The following CATSPER3 variants were observed in gnomAD, a reference collection of about 807,000 sequenced individuals.
CATSPER3 encodes cation channel sperm-associated protein 3.
In CATSPER3, 23 loss-of-function variants were observed where a neutral mutation model predicts 36.6. The ratio of observed to expected loss-of-function variants is 0.63; its 90% CI spans 0.45 to 0.89. The LOEUF (loss-of-function observed/expected upper bound fraction) is 0.89, where lower values mean the gene tolerates loss of function less well. CATSPER3 is among the 40% of genes least tolerant of loss of function. The pLI is 0.00. For synonymous variants in CATSPER3, 172 were observed against 184.1 expected, an observed-to-expected ratio of 0.93 and a Z score of 0.53; for missense variants, 474 against 503.9, an observed-to-expected ratio of 0.94 and a Z score of 0.57.
chr5:134,981,693 G>A lies in CATSPER3; in HGVS notation c.252+11601G>A, dbSNP rs527868843. 2.9e-3 allele frequency among the ~76,000 whole-genome samples: 443 copies of A among 152,236 alleles called. 2 individuals are homozygous for A. Among genetic ancestry groups the A allele is most frequent in the Non-Finnish European group, 5.0e-3 (340 of 68,014 alleles). On this transcript the variant is annotated intron_variant, in intron 2 of 7. Coordinates refer to ENST00000282611, the MANE Select transcript of CATSPER3 (RefSeq NM_178019.3). ...AGAATTTGATTTCCAAACTTACCAC[G>A]TTGCAATATTTAAAACATTTGGTTT...
chr5:134,974,435 AT>A (rs1751644139), intron 2 of CATSPER3, among the ~76,000 whole-genome samples: 3 of 152,196 alleles, frequency 2.0e-5, no homozygotes, highest in Admixed American at 2.0e-4. Flanking sequence ...ATAGTGGTTA[AT>A]TTTGGGTGGA....
rs1751581364 is a variant in CATSPER3 at position 134,969,992 on chromosome 5, T to G, written c.152T>G (p.Phe51Cys). Reference protein sequence around the residue: ...AFVKRVIMSRFFKIIMISTVT... With the variant: ...AFVKRVIMSRCFKIIMISTVT... ...GTGAAGAGAGTCATAATGAGCCGTTTCTTTAAGATAATTATGATTAGCACT... is the reference window on the plus strand; with the variant it reads ...GTGAAGAGAGTCATAATGAGCCGTTGCTTTAAGATAATTATGATTAGCACT... Residue 51 changes from phenylalanine to cysteine, a missense_variant, in exon 2 of 8, where the codon TTC becomes TGC. Coordinates refer to ENST00000282611, the MANE Select transcript of CATSPER3 (RefSeq NM_178019.3). 6.2e-7 allele frequency: 1 copy of G among 1,614,094 alleles called. No homozygotes were observed. Among genetic ancestry groups the G allele is most frequent in the Non-Finnish European group, 8.5e-7 (1 of 1,179,972 alleles).
intron 3 of CATSPER3, among the ~76,000 whole-genome samples, chr5:135,001,692 AATTG>A (rs1342750165): frequency 6.6e-6 from 1 of 152,148 alleles, no homozygotes; most frequent in African/African-American, 2.4e-5. Flanking sequence ...CTTCATGTTG[AATTG>A]ATCCCTTTAC....
intron 2 of CATSPER3, among the ~76,000 whole-genome samples, chr5:134,982,352 A>G (rs1046475210): frequency 6.6e-6 from 1 of 152,190 alleles, no homozygotes; most frequent in Non-Finnish European, 1.5e-5. Flanking sequence ...AAAAATTCCA[A>G]TGAATTCCAA....
At chr5:134,988,551 G>A (rs1048281542) in intron 2 of CATSPER3, among the ~76,000 whole-genome samples, 1 of 152,132 alleles carries the variant, frequency 6.6e-6, no homozygotes, top group Non-Finnish European at 1.5e-5. Flanking sequence ...TCTTCGCCAG[G>A]CGTAGATTCC....
At chr5:134,978,696 A>C (rs1228984641) in intron 2 of CATSPER3, among the ~76,000 whole-genome samples, 4 of 152,046 alleles carry the variant, frequency 2.6e-5, no homozygotes, top group African/African-American at 9.7e-5. Flanking sequence ...ATATATTTTA[A>C]AAGTTAGGAA....
intron 2 of CATSPER3, among the ~76,000 whole-genome samples, chr5:134,987,956 C>A (rs1010171125): frequency 6.6e-6 from 1 of 151,642 alleles, no homozygotes; most frequent in Admixed American, 6.6e-5. Flanking sequence ...AGTCATCAGG[C>A]GAGAAAAAGA....
At chr5:135,008,728 G>A (rs1752122674) in intron 4 of CATSPER3, 113 bp from the exon 5 acceptor site, 3 of 873,698 alleles carry the variant, frequency 3.4e-6, no homozygotes, top group Middle Eastern at 3.0e-4. Flanking sequence ...GGGATGACGT[G>A]GAAGCGGAGC....
chr5:134,979,641 T>C (rs2149546783), intron 2 of CATSPER3, among the ~76,000 whole-genome samples: 1 of 152,314 alleles, frequency 6.6e-6, no homozygotes, highest in South Asian at 2.1e-4. Context: ...ACGGACATAC[T>C]GAAGTGTAGG....
At chr5:135,002,436 G>A (rs979036892) in intron 3 of CATSPER3, among the ~76,000 whole-genome samples, 4 of 152,096 alleles carry the variant, frequency 2.6e-5, no homozygotes, top group African/African-American at 9.7e-5. Context: ...TGACAATTAT[G>A]AGTCTTGGAG....
At chr5:134,981,742 CAAAG>C (rs1751754968) in intron 2 of CATSPER3, among the ~76,000 whole-genome samples, 1 of 152,112 alleles carries the variant, frequency 6.6e-6, no homozygotes, top group Non-Finnish European at 1.5e-5. Context: ...ATAAAGCAAT[CAAAG>C]AAACAAAAAT....
chr5:134,972,779 C>T (rs566951050), intron 2 of CATSPER3, among the ~76,000 whole-genome samples: 7 of 152,122 alleles, frequency 4.6e-5, no homozygotes, highest in African/African-American at 9.7e-5. Flanking sequence ...TGGAACTATA[C>T]GTTGAAAGAG....
intron 3 of CATSPER3, among the ~76,000 whole-genome samples, chr5:135,005,465 C>T (rs1752074504): frequency 6.6e-6 from 1 of 152,150 alleles, no homozygotes; most frequent in South Asian, 2.1e-4. Context: ...GTCATGGGAC[C>T]CTAGATCCCC....
rs894030411 is a variant in CATSPER3 at position 134,995,821 on chromosome 5, A to T, written c.253-452A>T. 14 of 238,180 alleles carry T rather than the reference A, an allele frequency of 5.9e-5. No individual in the cohort carries two copies. In the Admixed American group the frequency reaches 7.0e-4, roughly 12 times the overall value. 14.8% of individuals were successfully genotyped at this position (238,180 alleles called of 1,614,324 possible). A position where few individuals can be genotyped will look rare whatever the true frequency, so the allele number is the denominator to read the frequency against. ...TGAAGAAGATTCGTTCATAAAGTGT[A>T]AAAGAATATTCTTCAGAAACAGATT... On this transcript the variant is annotated intron_variant, in intron 2 of 7. Coordinates refer to ENST00000282611, the MANE Select transcript of CATSPER3 (RefSeq NM_178019.3).
At chr5:135,009,277 G>T in intron 5 of CATSPER3, 94 bp from the exon 6 acceptor site, 1 of 1,326,812 alleles carries the variant, frequency 7.5e-7, no homozygotes. Context: ...CCTGCTGAGG[G>T]CCTGAGCAGC....
chr5:135,000,495 G>A (rs563342614), intron 3 of CATSPER3, among the ~76,000 whole-genome samples: 44 of 152,328 alleles, frequency 2.9e-4, no homozygotes, highest in South Asian at 2.1e-3. Flanking sequence ...AGAAGGAATG[G>A]TACCAGCTCC....
At chr5:134,969,226 G>A (rs1423789114) in intron 1 of CATSPER3, 1 of 152,246 alleles carries the variant, frequency 6.6e-6, no homozygotes, top group Non-Finnish European at 1.5e-5. Flanking sequence ...ATTATCTTGG[G>A]TCAGAGAATG....
intron 2 of CATSPER3, among the ~76,000 whole-genome samples, chr5:134,973,271 A>G (rs1751627620): frequency 6.6e-6 from 1 of 152,228 alleles, no homozygotes; most frequent in Non-Finnish European, 1.5e-5. Context: ...TAATGAATGC[A>G]TCATCTGACA....
intron 7 of CATSPER3, 83 bp from the exon 8 acceptor site, chr5:135,011,438 G>A: frequency 3.3e-6 from 3 of 918,772 alleles, no homozygotes; most frequent in Non-Finnish European, 5.3e-6. Flanking sequence ...CTGTGCAGGT[G>A]CAAACGTGTG....
Sources: allele counts gnomAD v4.1 joint callset (sites outside exome capture counted in the v4.1 genomes callset), GRCh38; gene constraint gnomAD v4.1.1; transcripts MANE v1.5; gene names NCBI Gene and HGNC (gene_info 2026-07-23, HGNC 2026-07-21).